The following MYBPC2 variants were observed in gnomAD, a reference collection of about 807,000 sequenced individuals.
MYBPC2 encodes the protein myosin-binding protein C, fast-type.
A neutral mutation model predicts 137.0 loss-of-function variants in MYBPC2; 122 were observed. The observed-to-expected ratio is 0.89, with a 90% CI of 0.77 to 1.03. The LOEUF (loss-of-function observed/expected upper bound fraction) is 1.03, where lower values mean the gene tolerates loss of function less well. Ranked by LOEUF, MYBPC2 falls within the 50% of genes least tolerant of loss-of-function variation. MYBPC2 has a pLI of 0.00. For missense variants in MYBPC2, 1,500 were observed against 1,534.4 expected, an observed-to-expected ratio of 0.98 and a Z score of 0.37; for synonymous variants, 626 against 612.3, an observed-to-expected ratio of 1.02 and a Z score of -0.33.
rs2039775466 is a variant in MYBPC2, at chr19:50,443,591, A to G, written c.1000A>G (p.Lys334Glu). 1.2e-6 allele frequency: 2 copies of G among 1,613,344 alleles called. No individual in the cohort carries two copies. The highest frequency in any genetic ancestry group is 2.2e-5 in the South Asian group (2 of 90,952). The change falls in exon 10 of 28, where the codon AAG (lysine) becomes GAG (glutamate). Residue 334 changes from lysine to glutamate, a missense_variant. Physicochemically the swap from Lys to Glu is moderately conservative, Grantham distance 56. Coordinates refer to ENST00000357701, the MANE Select transcript of MYBPC2 (RefSeq NM_004533.4). ...CTATGAAGTAGCTGTCAAGGATGAG[A>G]AGTGTTTCACCGAGCTCTTCGTCAA... ...AAYEVAVKDEKCFTELFVKEP... is the reference protein window; with the variant it reads ...AAYEVAVKDEECFTELFVKEP...
At chr19:50,442,940 A>G (rs190391195) in intron 9 of MYBPC2, among the ~76,000 whole-genome samples, 268 of 151,414 alleles carry the variant, frequency 1.8e-3, no homozygotes, top group Non-Finnish European at 3.0e-3. Flanking sequence ...AACACATCTA[A>G]TTTTTGGGGT....
At chr19:50,436,586 C>T (rs200530889) in intron 4 of MYBPC2, 31 bp from the exon 5 acceptor site, 373 of 1,588,334 alleles carry the variant, frequency 2.3e-4, no homozygotes, top group Non-Finnish European at 3.0e-4. Context: ...AGGGTGGTCC[C>T]GTGCACCCAC....
chr19:50,450,875 G>A lies in MYBPC2; in HGVS notation c.1519G>A (p.Asp507Asn), dbSNP rs1429841850. 3.2e-6 allele frequency: 5 copies of A among 1,580,816 alleles called. No individual in the cohort carries two copies. The African/African-American group carries it at 4.1e-5, about 13-fold the overall frequency. ...TGACGTCCGCCCCGAGGATGAGGGA[G>A]ACTACACGTTTGTGCCTGACGGCTA... ...IDDVRPEDEG[D>N]YTFVPDGYAL... The change falls in exon 14 of 28, where the codon GAC becomes AAC. Residue 507 changes from aspartate (D) to asparagine (N), a missense_variant. Coordinates refer to ENST00000357701, the MANE Select transcript of MYBPC2 (RefSeq NM_004533.4).
In MYBPC2 at chr19:50,460,121, A is replaced by G; in HGVS notation, c.2873A>G (p.Asp958Gly). The G allele has an allele frequency of 6.3e-7, 1 of 1,576,040 alleles. No homozygotes were observed. The change falls in exon 24 of 28, where the codon GAT becomes GGT. Residue 958 changes from aspartate to glycine, a missense_variant. Coordinates refer to ENST00000357701, the MANE Select transcript of MYBPC2 (RefSeq NM_004533.4). ...CTGGTGGAGTGGCAGGCCCCCAAAG[A>G]TGATGGGAACAGTGAGATCATGGGG... is the stretch of plus-strand genomic sequence containing the variant. ...NALVEWQAPK[D>G]DGNSEIMGYF...
chr19:50,459,995 A>G (rs1264007775), intron 23 of MYBPC2, 45 bp from the exon 24 acceptor site: 13 of 1,549,246 alleles, frequency 8.4e-6, no homozygotes, highest in Non-Finnish European at 1.1e-5. Flanking sequence ...AAGCGGCTGG[A>G]CATCCCAAAA....
In MYBPC2 at chr19:50,455,654, C is replaced by G. The variant is rs1437071846; in HGVS notation, c.2338+10C>G. On this transcript the variant is annotated intron_variant, in intron 20 of 27. Transcript: ENST00000357701. ...TACTGCCTGGAAGGCTGTGAGTGACCCTGGCAGGGCTGGTGGGGGTGGTGG... is the reference window on the plus strand; with the variant it reads ...TACTGCCTGGAAGGCTGTGAGTGACGCTGGCAGGGCTGGTGGGGGTGGTGG... The G allele has an allele frequency of 6.2e-7, 1 of 1,612,804 alleles. No homozygotes were observed. Among genetic ancestry groups the G allele is most frequent in the Non-Finnish European group, 8.5e-7 (1 of 1,179,350 alleles).
rs751832965 is a variant in MYBPC2 at position 50,441,042 on chromosome 19, GA to G, written c.740del (p.Lys247ArgfsTer30). On this transcript the variant is annotated frameshift_variant, in exon 8 of 28. Transcript: ENST00000357701. LOFTEE classifies it high-confidence loss of function. ...ACCTCCGGGGCATGCTGAAGCGGCT[GA>G]AAAAGGCTAAGGTCGAGGTCAAGAA... The part of the protein sequence containing the change: ...TDLRGMLKRL[K>X]KAKVEVKKSA... The G allele has an allele frequency of 5.6e-6, 9 of 1,605,140 alleles. No homozygotes were observed. In the Admixed American group the frequency reaches 6.8e-5, roughly 12 times the overall value.
chr19:50,453,349 G>A (rs112897383), intron 16 of MYBPC2, among the ~76,000 whole-genome samples: 2 of 152,300 alleles, frequency 1.3e-5, no homozygotes, highest in African/African-American at 4.8e-5. Flanking sequence ...TAGAAGCTAT[G>A]AGAACCCAGG....
At chr19:50,436,257 C>T (rs1048872963) in intron 4 of MYBPC2, 97 bp downstream of exon 4, 41 of 1,479,596 alleles carry the variant, frequency 2.8e-5, no homozygotes, top group Non-Finnish European at 3.6e-5. Flanking sequence ...TCAATGTGGG[C>T]CTGGAGCCGG....
At position 50,435,379 on chromosome 19, in the gene MYBPC2, C is replaced by T. The variant is rs545813171; in HGVS notation, c.109+129C>T. On this transcript the variant is annotated intron_variant, in intron 2 of 27. Transcript: ENST00000357701. The surrounding 1 kb of genome is among the most constrained non-coding windows in gnomAD (Gnocchi z 4.8). ...CCCGCACAGCCCCAGGGCTGACCCA[C>T]GCCTCCCGTGCTCCCAGCCCTCCCG... The T allele has an allele frequency of 1.7e-5, 11 of 654,508 alleles. No homozygotes were observed. In the East Asian group the frequency reaches 1.7e-4, roughly 10 times the overall value. 40.5% of individuals were successfully genotyped at this position (654,508 alleles called of 1,614,324 possible). A position where few individuals can be genotyped will look rare whatever the true frequency, so the allele number is the denominator to read the frequency against.
At chr19:50,452,466 G>GTGTATGTATGTA (rs746899570) in intron 16 of MYBPC2, among the ~76,000 whole-genome samples, 2 of 147,102 alleles carry the variant, frequency 1.4e-5, no homozygotes, top group Non-Finnish European at 1.5e-5. Context: ...CTATGTATCT[G>GTGTATGTATGTA]TGTATGTATG....
rs2039941400 is a variant in MYBPC2 at position 50,458,965 on chromosome 19, C to A, written c.2554C>A (p.Arg852Ser). 1 of 1,612,856 alleles carries A rather than the reference C, an allele frequency of 6.2e-7. No individual in the cohort carries two copies. The highest frequency in any genetic ancestry group is 8.5e-7 in the Non-Finnish European group (1 of 1,179,630). ...CCGCCATCTCCGCCAGACCTACATC[C>A]GCAAAGTGGGCGAGCAGCTCAACCT... ...LPRHLRQTYI[R>S]KVGEQLNLVV... The change falls in exon 22 of 28, where the codon CGC (arginine) becomes AGC (serine). Residue 852 changes from arginine (R) to serine (S), a missense_variant. Transcript: ENST00000357701.
Position 50,440,940 on chromosome 19 carries a change from C to G in MYBPC2, c.633C>G (p.Pro211=). Residue 211 remains proline (P), a synonymous_variant, in exon 8 of 28, where the codon CCC becomes CCG. Coordinates refer to ENST00000357701, the MANE Select transcript of MYBPC2 (RefSeq NM_004533.4). ...AAGATGACGATGACCTAGGCATCCC[C>G]CCGGAGATTTGGGAGCTCCTGAAAG... The part of the protein sequence containing the change: ...KKKDDDDLGI[P]PEIWELLKGA... The G allele has an allele frequency of 6.2e-7, 1 of 1,613,836 alleles. No homozygotes were observed. The highest frequency in any genetic ancestry group is 8.5e-7 in the Non-Finnish European group (1 of 1,179,830).
intron 20 of MYBPC2, 33 bp from the exon 21 acceptor site, chr19:50,458,554 C>T: frequency 6.2e-7 from 1 of 1,604,168 alleles, no homozygotes; most frequent in Non-Finnish European, 8.5e-7. Context: ...GGGAGGAGGG[C>T]ACGAGATCCG....
At chr19:50,457,430 C>T (rs145369316) in intron 20 of MYBPC2, among the ~76,000 whole-genome samples, 3 of 152,294 alleles carry the variant, frequency 2.0e-5, no homozygotes, top group African/African-American at 4.8e-5. Context: ...GCCCTCAGCC[C>T]GCCTTCCCAG....
intron 1 of MYBPC2, among the ~76,000 whole-genome samples, chr19:50,434,035 G>T (rs1041598415): frequency 1.3e-5 from 2 of 151,990 alleles, no homozygotes; most frequent in African/African-American, 2.4e-5. Flanking sequence ...GACAGAGTGA[G>T]ACCCCGTCTC....
intron 18 of MYBPC2, among the ~76,000 whole-genome samples, chr19:50,454,750 G>A (rs2039893026): frequency 6.6e-6 from 1 of 151,932 alleles, no homozygotes; most frequent in South Asian, 2.1e-4. Context: ...ACCTCCCAGA[G>A]CCCTTAGCAT....
chr19:50,464,940 A>G (rs1279565921), intron 27 of MYBPC2, among the ~76,000 whole-genome samples: 1 of 151,582 alleles, frequency 6.6e-6, no homozygotes, highest in African/African-American at 2.4e-5. Flanking sequence ...GCCTGTCCCC[A>G]TGCTCCCACC....
rs773895822 is a variant in MYBPC2, at chr19:50,461,979, C to T, written c.3171C>T (p.Arg1057=). 2.5e-6 allele frequency: 4 copies of T among 1,579,224 alleles called. No individual in the cohort carries two copies. Among genetic ancestry groups the T allele is most frequent in the Non-Finnish European group, 2.6e-6 (3 of 1,162,146 alleles). ...APKFLTPLID[R]VVVAGYSAAL... Reference sequence around the variant, plus strand: ...AGTTCCTGACACCTCTCATAGACCGCGTGGTCGTGGCTGGGTACTCGGCAG... The same window carrying T: ...AGTTCCTGACACCTCTCATAGACCGTGTGGTCGTGGCTGGGTACTCGGCAG... The change falls in exon 26 of 28, where the codon CGC becomes CGT. Residue 1057 remains arginine (R), a synonymous_variant. Coordinates refer to ENST00000357701, the MANE Select transcript of MYBPC2 (RefSeq NM_004533.4).
Sources: gnomAD v4.1 joint callset for allele counts (sites outside exome capture counted in the v4.1 genomes callset) on GRCh38, gnomAD v4.1.1 for gene constraint, Gnocchi (gnomAD v3.1) non-coding constraint, MANE v1.5 for transcripts, NCBI Gene and HGNC (gene_info 2026-07-23, HGNC 2026-07-21) for gene names.